Variants in AJAP1 observed in about 807,000 individuals in gnomAD.
AJAP1 encodes adherens junctions associated protein 1, also known as adherens junction-associated protein 1.
A neutral mutation model predicts 35.0 loss-of-function variants in AJAP1; 5 were observed. The ratio of observed to expected loss-of-function variants is 0.14; its 90% CI spans 0.07 to 0.30. The LOEUF is 0.30. Ranked by LOEUF, AJAP1 falls within the 10% of genes least tolerant of loss-of-function variation. The pLI is 1.00. For synonymous variants in AJAP1, 284 were observed against 249.3 expected (o/e 1.14, Z -1.31); for missense variants, 586 against 571.0 (o/e 1.03, Z -0.27).
Position 4,662,082 on chromosome 1 carries a change from AT to A in AJAP1, c.29+6636del, listed in dbSNP as rs201633084. Among the ~76,000 whole-genome samples, 898 of 151,468 alleles carry A rather than the reference AT, an allele frequency of 5.9e-3. 31 individuals carry two copies. In the South Asian group the frequency reaches 0.073, roughly 12 times the overall value. ...TGTGTGTGTGTCTGTGTGTGTGTGC[AT>A]TTTTTTTGAAGCACAATTTACATGC... On this transcript the variant is annotated intron_variant, in intron 1 of 5. Transcript: ENST00000378191.
chr1:4,711,837 C>A, intron 1 of AJAP1, 63 bp from the exon 2 acceptor site: 2 of 1,327,484 alleles, frequency 1.5e-6, no homozygotes, highest in Admixed American at 3.0e-5. Flanking sequence ...GAGAGGGCCC[C>A]GGGGCCCAGT....
rs1048799336 is a variant in AJAP1, at chr1:4,693,759, G to A, written c.30-18141G>A. On this transcript the variant is annotated intron_variant, in intron 1 of 5. Transcript: ENST00000378191. The surrounding 1 kb of genome is among the most constrained non-coding windows in gnomAD (Gnocchi z 4.4). ...CTGGGGCTTCTTGCTGTGTAATCCC[G>A]TGGTGGAAGCAGGAGGGCAAGAGAG... Among the ~76,000 whole-genome samples, 2 of 152,188 alleles carry A rather than the reference G, an allele frequency of 1.3e-5. No individual in the cohort carries two copies. Among genetic ancestry groups the A allele is most frequent in the Non-Finnish European group, 1.5e-5 (1 of 68,044 alleles).
Position 4,782,606 on chromosome 1 carries a change from A to G in AJAP1, c.*121A>G, listed in dbSNP as rs935110147. 2.5e-6 allele frequency: 1 copy of G among 397,062 alleles called. No homozygotes were observed. The highest frequency in any genetic ancestry group is 4.4e-5 in the Admixed American group (1 of 22,708). 24.6% of individuals were successfully genotyped at this position (397,062 alleles called of 1,614,324 possible). On this transcript the variant is annotated 3_prime_UTR_variant, in exon 6 of 6. Coordinates refer to ENST00000378191, the MANE Select transcript of AJAP1 (RefSeq NM_018836.4). This position sits in a 1 kb window ranked among gnomAD's most constrained non-coding sequence, Gnocchi z 5.3. ...AAACAAAACAAAAAAGACAAAACCT[A>G]AAACTGAGCTATCTAAGGGGGAGGG...
At chr1:4,700,753 G>T (rs1223939636) in intron 1 of AJAP1, among the ~76,000 whole-genome samples, 1 of 152,196 alleles carries the variant, frequency 6.6e-6, no homozygotes, top group Non-Finnish European at 1.5e-5. Flanking sequence ...AGGCTGCCCA[G>T]CAGCCGAGGC....
intron 1 of AJAP1, among the ~76,000 whole-genome samples, chr1:4,700,729 T>C (rs1639969397): frequency 6.6e-6 from 1 of 152,176 alleles, no homozygotes; most frequent in Non-Finnish European, 1.5e-5. Context: ...GGAGGTGGCC[T>C]GGGGTACTTG....
chr1:4,698,779 G>C (rs2100240427), intron 1 of AJAP1, among the ~76,000 whole-genome samples: 1 of 152,292 alleles, frequency 6.6e-6, no homozygotes, highest in South Asian at 2.1e-4. Flanking sequence ...TCCTGATTCT[G>C]TCCTCCTCAC....
intron 2 of AJAP1, among the ~76,000 whole-genome samples, chr1:4,724,145 G>T (rs1640592129): frequency 6.6e-6 from 1 of 152,202 alleles, no homozygotes; most frequent in South Asian, 2.1e-4. Context: ...GGGTGGACAA[G>T]GAGCAGGTGC....
intron 1 of AJAP1, among the ~76,000 whole-genome samples, chr1:4,700,705 G>A (rs1366084625): frequency 6.6e-6 from 1 of 152,194 alleles, no homozygotes; most frequent in Non-Finnish European, 1.5e-5. Flanking sequence ...GTCCGCACAC[G>A]CAGGGGAAGC....
intron 1 of AJAP1, among the ~76,000 whole-genome samples, chr1:4,657,358 G>T (rs1457253184): frequency 6.6e-6 from 1 of 152,016 alleles, no homozygotes; most frequent in Non-Finnish European, 1.5e-5. Flanking sequence ...CTTTAAGGAC[G>T]AGCTGTCACC....
Position 4,655,358 on chromosome 1 carries a change from C to G in AJAP1, c.-68C>G. The stretch of plus-strand genomic sequence containing the variant: ...ACCGGCGCCGCGGGACGGAAGCGAG[C>G]GGGCGCGGGCGCCGCGCAGATGGCC... On this transcript the variant is annotated 5_prime_UTR_variant, in exon 1 of 6. Transcript: ENST00000378191. This position sits in a 1 kb window ranked among gnomAD's most constrained non-coding sequence, Gnocchi z 6.9. 1 of 1,434,828 alleles carries G rather than the reference C, an allele frequency of 7.0e-7. No homozygotes were observed. The highest frequency in any genetic ancestry group is 1.3e-5 in the South Asian group (1 of 74,908). 88.9% of individuals were successfully genotyped at this position (1,434,828 alleles called of 1,614,324 possible).
At chr1:4,748,898 C>T (rs1234935310) in intron 2 of AJAP1, among the ~76,000 whole-genome samples, 1 of 152,118 alleles carries the variant, frequency 6.6e-6, no homozygotes, top group Non-Finnish European at 1.5e-5. Flanking sequence ...CTTGCTAGAC[C>T]CCAAACCTGC....
chr1:4,704,392 G>T (rs1296885217), intron 1 of AJAP1, among the ~76,000 whole-genome samples: 3 of 145,054 alleles, frequency 2.1e-5, no homozygotes, highest in African/African-American at 7.7e-5. Context: ...CCACCTATGA[G>T]TGAGAACATG....
chr1:4,764,292 A>G (rs1641634808), intron 2 of AJAP1, among the ~76,000 whole-genome samples: 1 of 152,206 alleles, frequency 6.6e-6, no homozygotes, highest in Non-Finnish European at 1.5e-5. Context: ...CTGACATAAA[A>G]GCTGGTGGCC....
chr1:4,773,997 G>C lies in AJAP1; in HGVS notation c.1164-430G>C, dbSNP rs1226982500. Among the ~76,000 whole-genome samples the C allele has an allele frequency of 3.3e-5, 5 of 152,334 alleles. No individual in the cohort carries two copies. The East Asian group carries it at 7.7e-4, about 24-fold the overall frequency. The stretch of plus-strand genomic sequence containing the variant: ...ATTGGCCTTGGGAAATGGTAGCTTA[G>C]TCTCAAAGGTGACAAAATATGGGCG... On this transcript the variant is annotated intron_variant, in intron 4 of 5. Transcript: ENST00000378191.
At chr1:4,676,896 C>T (rs368760851) in intron 1 of AJAP1, among the ~76,000 whole-genome samples, 3 of 152,236 alleles carry the variant, frequency 2.0e-5, no homozygotes, top group South Asian at 4.1e-4. Context: ...GTGGCTCACG[C>T]CTGTAATCCC....
At chr1:4,757,995 G>A (rs548114223) in intron 2 of AJAP1, among the ~76,000 whole-genome samples, 1 of 152,128 alleles carries the variant, frequency 6.6e-6, no homozygotes, top group Non-Finnish European at 1.5e-5. Flanking sequence ...GTGATAATGA[G>A]TGAGTTCTCA....
chr1:4,754,180 A>G (rs963285951), intron 2 of AJAP1, among the ~76,000 whole-genome samples: 2 of 152,166 alleles, frequency 1.3e-5, no homozygotes, highest in Non-Finnish European at 2.9e-5. Flanking sequence ...TTAAAAGGAT[A>G]ACGGTTTGCA....
intron 2 of AJAP1, among the ~76,000 whole-genome samples, chr1:4,714,455 G>C (rs186955701): frequency 6.6e-6 from 1 of 152,122 alleles, no homozygotes; most frequent in Non-Finnish European, 1.5e-5. Flanking sequence ...CTCTGTATAC[G>C]TCACTTACTA....
At chr1:4,699,229 C>A (rs994287475) in intron 1 of AJAP1, among the ~76,000 whole-genome samples, 3 of 152,188 alleles carry the variant, frequency 2.0e-5, no homozygotes, top group Non-Finnish European at 4.4e-5. Context: ...GACCATCTTG[C>A]TCTCCTGGCC....
Sources: gnomAD v4.1 joint callset for allele counts (sites outside exome capture counted in the v4.1 genomes callset) on GRCh38, gnomAD v4.1.1 for gene constraint, Gnocchi (gnomAD v3.1) non-coding constraint, MANE v1.5 for transcripts, NCBI Gene and HGNC (gene_info 2026-07-23, HGNC 2026-07-21) for gene names.